The following LNPEP variants were observed in gnomAD, a reference collection of about 807,000 sequenced individuals.
LNPEP encodes the protein leucyl-cystinyl aminopeptidase.
LNPEP carries 64 observed loss-of-function variants against 120.6 expected under a neutral mutation model. The observed-to-expected ratio is 0.53, with a 90% CI of 0.43 to 0.65. LNPEP has a LOEUF of 0.65. Ranked by LOEUF, LNPEP falls within the 30% of genes least tolerant of loss-of-function variation. The pLI, the probability that LNPEP is intolerant of heterozygous loss-of-function variation, is 0.00. For missense variants in LNPEP, 1,057 were observed against 1,200.0 expected (o/e 0.88, Z 1.76); for synonymous variants, 435 against 425.4 (o/e 1.02, Z -0.28).
rs1388441981 is a variant in LNPEP at position 97,028,602 on chromosome 5, C to G, written c.*69C>G. The G allele has an allele frequency of 3.8e-6, 6 of 1,558,780 alleles. No individual in the cohort carries two copies. Among genetic ancestry groups the G allele is most frequent in the Non-Finnish European group, 4.4e-6 (5 of 1,141,532 alleles). Reference sequence around the variant, plus strand: ...GTAAGCTTGGGCTCTGCCGCTTTTGCAAAAGCCAAGGTAAAGCCAGGATCG... The same window carrying G: ...GTAAGCTTGGGCTCTGCCGCTTTTGGAAAAGCCAAGGTAAAGCCAGGATCG... On this transcript the variant is annotated 3_prime_UTR_variant, in exon 18 of 18. Coordinates refer to ENST00000231368, the MANE Select transcript of LNPEP (RefSeq NM_005575.3).
intron 6 of LNPEP, among the ~76,000 whole-genome samples, chr5:96,995,555 A>T (rs1790496962): frequency 6.6e-6 from 1 of 151,402 alleles, no homozygotes; most frequent in Non-Finnish European, 1.5e-5. Context: ...AAGAAACAAG[A>T]TCTCACTCTG....
chr5:96,993,809 A>G lies in LNPEP; in HGVS notation c.1253-8A>G. ...GAAAGTTGATCACTTATTTCCTGTT[A>G]TGTCCAGATTTGGTGGCTATTCCTG... On this transcript the variant is annotated splice_region_variant and splice_polypyrimidine_tract_variant and intron_variant, in intron 5 of 17. Coordinates refer to ENST00000231368, the MANE Select transcript of LNPEP (RefSeq NM_005575.3). 6.2e-7 allele frequency: 1 copy of G among 1,613,128 alleles called. No homozygotes were observed. Among genetic ancestry groups the G allele is most frequent in the Non-Finnish European group, 8.5e-7 (1 of 1,179,468 alleles).
At chr5:97,018,450 T>C (rs1033784152) in intron 13 of LNPEP, among the ~76,000 whole-genome samples, 4 of 152,110 alleles carry the variant, frequency 2.6e-5, no homozygotes, top group African/African-American at 9.7e-5. Context: ...AGGAGGGATC[T>C]AGGGACTGAT....
chr5:96,967,253 CACAGTA>C (rs1789749601), intron 1 of LNPEP, among the ~76,000 whole-genome samples: 1 of 152,056 alleles, frequency 6.6e-6, no homozygotes, highest in East Asian at 1.9e-4. Context: ...ACTGCATTTA[CACAGTA>C]AAACTCAACG....
intron 9 of LNPEP, among the ~76,000 whole-genome samples, chr5:97,005,719 G>C (rs2112645478): frequency 6.6e-6 from 1 of 152,242 alleles, no homozygotes; most frequent in Middle Eastern, 3.4e-3. Context: ...TTAGTATTGT[G>C]ATTTGAAAGA....
rs536513986 is a variant in LNPEP at position 96,983,134 on chromosome 5, G to A, written c.861-1946G>A. ...GATGTAGGTTACTGATTTGCCCAAA[G>A]TCATGTGGTTAGTAAATTATAGAGT... On this transcript the variant is annotated intron_variant, in intron 2 of 17. Coordinates refer to ENST00000231368, the MANE Select transcript of LNPEP (RefSeq NM_005575.3). Among the ~76,000 whole-genome samples, 311 of 152,298 alleles carry A rather than the reference G, an allele frequency of 2.0e-3. 2 individuals carry two copies. Among genetic ancestry groups the A allele is most frequent in the Non-Finnish European group, 3.2e-3 (217 of 68,020 alleles).
At chr5:96,955,213 T>C (rs1789434025) in intron 1 of LNPEP, among the ~76,000 whole-genome samples, 1 of 152,232 alleles carries the variant, frequency 6.6e-6, no homozygotes, top group Non-Finnish European at 1.5e-5. Context: ...TAGAATTGTA[T>C]ATAAATTGAA....
chr5:96,957,585 T>C (rs1265143415), intron 1 of LNPEP, among the ~76,000 whole-genome samples: 1 of 152,060 alleles, frequency 6.6e-6, no homozygotes, highest in Admixed American at 6.6e-5. Flanking sequence ...AGTGACAAAG[T>C]GTGAGAAAGA....
Position 96,996,493 on chromosome 5 carries a change from A to G in LNPEP, c.1511A>G (p.Glu504Gly), listed in dbSNP as rs1790520026. The G allele has an allele frequency of 6.4e-7, 1 of 1,562,950 alleles. No individual in the cohort carries two copies. Among genetic ancestry groups the G allele is most frequent in the African/African-American group, 1.4e-5 (1 of 73,882 alleles). The change falls in exon 7 of 18, where the codon GAG becomes GGG. Residue 504 changes from glutamate (E) to glycine (G), a missense_variant. Physicochemically the swap from Glu to Gly is moderately conservative, Grantham distance 98. Transcript: ENST00000231368. ...EYFSLEKIFKELSSYEDFLDA... is the reference protein window; with the variant it reads ...EYFSLEKIFKGLSSYEDFLDA... ...TTCTCTTTGGAAAAAATATTCAAAGAGCTTTCTAGTGTAAGTACAGGGTTT... is the reference window on the plus strand; with the variant it reads ...TTCTCTTTGGAAAAAATATTCAAAGGGCTTTCTAGTGTAAGTACAGGGTTT...
Position 97,029,857 on chromosome 5 carries a change from A to C in LNPEP, c.*1324A>C. On this transcript the variant is annotated 3_prime_UTR_variant, in exon 18 of 18. Coordinates refer to ENST00000231368, the MANE Select transcript of LNPEP (RefSeq NM_005575.3). ...ACTCCTTCTGAAAGAGAAATACTGTACTTGAATTTTTGAGCTATGCAGACT... is the reference window on the plus strand; with the variant it reads ...ACTCCTTCTGAAAGAGAAATACTGTCCTTGAATTTTTGAGCTATGCAGACT... 1 of 152,170 alleles carries C rather than the reference A, an allele frequency of 6.6e-6. No homozygotes were observed. 9.4% of individuals were successfully genotyped at this position (152,170 alleles called of 1,614,324 possible).
rs1361855157 is a variant in LNPEP at position 96,998,032 on chromosome 5, G to A, written c.1540G>A (p.Ala514Thr). 5 of 1,574,132 alleles carry A rather than the reference G, an allele frequency of 3.2e-6. No homozygotes were observed. Among genetic ancestry groups the A allele is most frequent in the Non-Finnish European group, 4.3e-6 (5 of 1,152,784 alleles). The change falls in exon 8 of 18, where the codon GCT (alanine) becomes ACT (threonine). Residue 514 changes from alanine to threonine, a missense_variant. Coordinates refer to ENST00000231368, the MANE Select transcript of LNPEP (RefSeq NM_005575.3). ...TTGACAGTATGAAGATTTCTTAGATGCTCGATTTAAAACCATGAAGAAAGA... is the reference window on the plus strand; with the variant it reads ...TTGACAGTATGAAGATTTCTTAGATACTCGATTTAAAACCATGAAGAAAGA... ...ELSSYEDFLD[A>T]RFKTMKKDSL... is the part of the protein sequence containing the mutation.
At chr5:97,013,431 A>G (rs113210801) in intron 11 of LNPEP, among the ~76,000 whole-genome samples, 5,698 of 152,296 alleles carry the variant, frequency 0.037, 182 homozygotes, top group Middle Eastern at 0.11. Context: ...GATTTCCAGC[A>G]CCTAGCTTAC....
chr5:97,011,051 G>T (rs897373150), intron 11 of LNPEP: 18 of 985,194 alleles, frequency 1.8e-5, no homozygotes, highest in Non-Finnish European at 1.9e-5. Context: ...ATCTGGACTT[G>T]GCTAGGTTTA....
At chr5:97,000,871 T>C (rs1582017862) in intron 8 of LNPEP, among the ~76,000 whole-genome samples, 1 of 152,110 alleles carries the variant, frequency 6.6e-6, no homozygotes. Context: ...CCACATGAGA[T>C]ATGAGATTGA....
At position 96,993,895 on chromosome 5, in the gene LNPEP, T is replaced by C. The variant is rs1315315004; in HGVS notation, c.1331T>C (p.Leu444Pro). 1 of 1,613,840 alleles carries C rather than the reference T, an allele frequency of 6.2e-7. No homozygotes were observed. The highest frequency in any genetic ancestry group is 8.5e-7 in the Non-Finnish European group (1 of 1,179,874). Residue 444 changes from leucine (L) to proline (P), a missense_variant, in exon 6 of 18, where the codon CTG (leucine) becomes CCG (proline). Transcript: ENST00000231368. ...GLLTFREETL[L>P]YDSNTSSMAD... ...CTCACCTTCCGAGAGGAGACACTTC[T>C]GTATGACAGTAACACTTCTTCAATG...
intron 1 of LNPEP, among the ~76,000 whole-genome samples, chr5:96,973,619 A>T (rs934382745): frequency 6.6e-6 from 1 of 152,146 alleles, no homozygotes; most frequent in South Asian, 2.1e-4. Flanking sequence ...GATTTAAAGT[A>T]TGTGGGAGGA....
intron 4 of LNPEP, among the ~76,000 whole-genome samples, chr5:96,987,287 T>C (rs1300391763): frequency 6.6e-6 from 1 of 152,194 alleles, no homozygotes. Context: ...TATACTTTGA[T>C]TTCATAGTAG....
At chr5:97,026,846 G>A in intron 16 of LNPEP, 89 bp downstream of exon 16, 1 of 1,093,644 alleles carries the variant, frequency 9.1e-7, no homozygotes, top group East Asian at 2.4e-5. Flanking sequence ...CAGAAGTTAG[G>A]ATTTGCTGTG....
chr5:96,955,418 C>T (rs1331620919), intron 1 of LNPEP, among the ~76,000 whole-genome samples: 2 of 152,046 alleles, frequency 1.3e-5, no homozygotes, highest in Non-Finnish European at 2.9e-5. Flanking sequence ...TGTTCGAGAC[C>T]AGCCTGGCCA....
Sources: gnomAD v4.1 joint callset for allele counts (sites outside exome capture counted in the v4.1 genomes callset) on GRCh38, gnomAD v4.1.1 for gene constraint, MANE v1.5 for transcripts, NCBI Gene and HGNC (gene_info 2026-07-23, HGNC 2026-07-21) for gene names.